The following SEC62 variants were observed in gnomAD, a reference collection of about 807,000 sequenced individuals.
The protein encoded by SEC62 is translocation protein SEC62.
A neutral mutation model predicts 47.5 loss-of-function variants in SEC62; 10 were observed. The observed-to-expected ratio is 0.21, with a 90% CI of 0.13 to 0.36. The LOEUF (loss-of-function observed/expected upper bound fraction) is 0.36, where lower values mean the gene tolerates loss of function less well. SEC62 is among the 10% of genes least tolerant of loss of function. The probability of loss-of-function intolerance (pLI) is 1.00; values close to 1 mark genes in which losing one functional copy is unlikely to be tolerated. For synonymous variants in SEC62, 136 were observed against 150.5 expected (o/e 0.90, Z 0.71); for missense variants, 327 against 464.1 (o/e 0.70, Z 2.71).
rs1322802079 is a variant in SEC62, at chr3:169,997,754, C to T, written c.*4691C>T. 1 of 152,232 alleles carries T rather than the reference C, an allele frequency of 6.6e-6. No homozygotes were observed. The highest frequency in any genetic ancestry group is 1.5e-5 in the Non-Finnish European group (1 of 68,098). 9.4% of individuals were successfully genotyped at this position (152,232 alleles called of 1,614,324 possible). ...AAGTGCTGGGATTACAGGCATGAGC[C>T]ACCATGCCTGGCCAGAATAATGTTT... is the stretch of plus-strand genomic sequence containing the variant. On this transcript the variant is annotated 3_prime_UTR_variant, in exon 8 of 8. Transcript: ENST00000337002.
At chr3:169,985,213 T>C (rs1346365503) in intron 5 of SEC62, 1 of 152,190 alleles carries the variant, frequency 6.6e-6, no homozygotes, top group African/African-American at 2.4e-5. Flanking sequence ...GGTGTTTTGG[T>C]TGAATAAATA....
chr3:169,982,511 A>G lies in SEC62; in HGVS notation c.252-196A>G, dbSNP rs1001278228. On this transcript the variant is annotated intron_variant, in intron 3 of 7. Coordinates refer to ENST00000337002, the MANE Select transcript of SEC62 (RefSeq NM_003262.4). ...TATTGAATATCACTGAGTTTTGACAACTTTTATATAATTGACTGTAAAGTG... is the reference window on the plus strand; with the variant it reads ...TATTGAATATCACTGAGTTTTGACAGCTTTTATATAATTGACTGTAAAGTG... The G allele has an allele frequency of 1.1e-5, 6 of 566,434 alleles. No individual in the cohort carries two copies. The African/African-American group carries it at 1.1e-4, about 11-fold the overall frequency. 35.1% of individuals were successfully genotyped at this position (566,434 alleles called of 1,614,324 possible).
chr3:169,970,317 C>T (rs568369094), intron 1 of SEC62, among the ~76,000 whole-genome samples: 8 of 152,298 alleles, frequency 5.3e-5, no homozygotes, highest in African/African-American at 1.9e-4. Flanking sequence ...TTGCATTTTT[C>T]ACAAATATTT....
At position 169,969,076 on chromosome 3, in the gene SEC62, A is replaced by C. The variant is rs953138105; in HGVS notation, c.36+2218A>C. Among the ~76,000 whole-genome samples the C allele has an allele frequency of 2.0e-5, 3 of 152,360 alleles. No homozygotes were observed. The East Asian group carries it at 5.8e-4, about 29-fold the overall frequency. On this transcript the variant is annotated intron_variant, in intron 1 of 7. Coordinates refer to ENST00000337002, the MANE Select transcript of SEC62 (RefSeq NM_003262.4). ...AAGTTCAGAGTTTAACTTACAAAAA[A>C]GATCCTGTTGTAGAATTTTTAGGCA...
chr3:169,978,241 T>C (rs999656043), intron 3 of SEC62, among the ~76,000 whole-genome samples: 1 of 152,136 alleles, frequency 6.6e-6, no homozygotes, highest in Non-Finnish European at 1.5e-5. Flanking sequence ...GTTGCGCCAC[T>C]GCACTCCAGC....
intron 1 of SEC62, among the ~76,000 whole-genome samples, chr3:169,969,736 C>T (rs1318747639): frequency 6.6e-6 from 1 of 152,166 alleles, no homozygotes; most frequent in African/African-American, 2.4e-5. Context: ...AAATAAGTTG[C>T]TTTGAAATAC....
chr3:169,972,471 G>A (rs1379525553), intron 1 of SEC62, among the ~76,000 whole-genome samples: 2 of 152,026 alleles, frequency 1.3e-5, no homozygotes, highest in Non-Finnish European at 2.9e-5. Flanking sequence ...CTGGAGTGCA[G>A]TGGCATGATC....
At chr3:169,986,401 G>C (rs1044938066) in intron 6 of SEC62, among the ~76,000 whole-genome samples, 2 of 152,040 alleles carry the variant, frequency 1.3e-5, no homozygotes, top group Non-Finnish European at 2.9e-5. Flanking sequence ...GACTATACTT[G>C]AGTATAATCT....
chr3:169,982,517 A>G (rs536290605), intron 3 of SEC62, 190 bp from the exon 4 acceptor site: 70 of 595,654 alleles, frequency 1.2e-4, no homozygotes, highest in South Asian at 1.0e-3. Context: ...GACAACTTTT[A>G]TATAATTGAC....
At chr3:169,977,103 A>T (rs1714854780) in intron 3 of SEC62, 52 bp downstream of exon 3, 1 of 1,298,862 alleles carries the variant, frequency 7.7e-7, no homozygotes, top group Non-Finnish European at 1.1e-6. Context: ...AATTTTCTTC[A>T]TAGTCCTGAA....
Position 169,985,802 on chromosome 3 carries a change from T to C in SEC62, c.550-3T>C, listed in dbSNP as rs1715092001. 1.9e-6 allele frequency: 3 copies of C among 1,607,184 alleles called. No individual in the cohort carries two copies. Among genetic ancestry groups the C allele is most frequent in the Admixed American group, 1.7e-5 (1 of 58,874 alleles). ...AAGCACCGAGGTTTCTTGATTCTTC[T>C]AGGTGTATGTATGGATCTATGACCC... On this transcript the variant is annotated splice_polypyrimidine_tract_variant and splice_region_variant and intron_variant, in intron 5 of 7. Transcript: ENST00000337002.
In SEC62 at chr3:169,982,885, G is replaced by T. The variant is rs1437324205; in HGVS notation, c.430G>T (p.Asp144Tyr). The T allele has an allele frequency of 6.4e-7, 1 of 1,562,758 alleles. No individual in the cohort carries two copies. The highest frequency in any genetic ancestry group is 8.6e-7 in the Non-Finnish European group (1 of 1,164,990). ...KTKKEKEKKK[D>Y]GEKEESKKEE... is the part of the protein sequence containing the mutation. ...AAAAAAAGAAAAAGAGAAAAAAAAA[G>T]ATGGTGAAAAGGAAGAATCCAAAAA... The change falls in exon 4 of 8, where the codon GAT becomes TAT. Residue 144 changes from aspartate (D) to tyrosine (Y), a missense_variant. By Grantham distance (160) the Asp-to-Tyr change is radical. Transcript: ENST00000337002.
At chr3:169,988,162 G>A in intron 6 of SEC62, 78 bp from the exon 7 acceptor site, 3 of 1,505,242 alleles carry the variant, frequency 2.0e-6, no homozygotes, top group East Asian at 2.3e-5. Context: ...TTTTCCCCCA[G>A]GGATATGTTT....
chr3:169,974,683 T>C (rs1714784971), intron 1 of SEC62, among the ~76,000 whole-genome samples: 1 of 152,170 alleles, frequency 6.6e-6, no homozygotes, highest in Non-Finnish European at 1.5e-5. Flanking sequence ...GCCTCACCCT[T>C]ACTGGAGAAG....
chr3:169,967,237 C>T (rs1279703923), intron 1 of SEC62, among the ~76,000 whole-genome samples: 1 of 152,200 alleles, frequency 6.6e-6, no homozygotes, highest in Non-Finnish European at 1.5e-5. Context: ...CCCCTCCCTT[C>T]ACCCCATCCT....
At chr3:169,976,380 A>C (rs1239876604) in intron 2 of SEC62, among the ~76,000 whole-genome samples, 1 of 152,120 alleles carries the variant, frequency 6.6e-6, no homozygotes, top group Non-Finnish European at 1.5e-5. Context: ...AGAAGAAAAA[A>C]AAAACTAAAT....
chr3:169,987,142 T>C (rs1715128303), intron 6 of SEC62, among the ~76,000 whole-genome samples: 1 of 152,084 alleles, frequency 6.6e-6, no homozygotes, highest in African/African-American at 2.4e-5. Context: ...AATAACTCTT[T>C]AAGGCTGGGC....
chr3:169,973,318 A>G (rs1175675181), intron 1 of SEC62, among the ~76,000 whole-genome samples: 1 of 152,180 alleles, frequency 6.6e-6, no homozygotes, highest in Non-Finnish European at 1.5e-5. Flanking sequence ...TGAATCTTGT[A>G]GTTGTTCCTG....
At position 169,992,869 on chromosome 3, in the gene SEC62, G is replaced by C. The variant is rs377711845; in HGVS notation, c.1006G>C (p.Gly336Arg). 3.7e-6 allele frequency: 6 copies of C among 1,613,950 alleles called. No individual in the cohort carries two copies. Among genetic ancestry groups the C allele is most frequent in the Middle Eastern group, 1.6e-4 (1 of 6,084 alleles). The change falls in exon 8 of 8, where the codon GGG (glycine) becomes CGG (arginine). Residue 336 changes from glycine to arginine, a missense_variant. Transcript: ENST00000337002. The surrounding 1 kb of genome is among the most constrained non-coding windows in gnomAD (Gnocchi z 4.0). ...GPGNHGTEGSGGERHSDTDSD... is the reference protein window; with the variant it reads ...GPGNHGTEGSRGERHSDTDSD... ...AGGAAATCATGGAACAGAAGGCTCGGGGGGAGAACGGCATTCAGACACGGA... is the reference window on the plus strand; with the variant it reads ...AGGAAATCATGGAACAGAAGGCTCGCGGGGAGAACGGCATTCAGACACGGA...
Sources: gnomAD v4.1 joint callset for allele counts (sites outside exome capture counted in the v4.1 genomes callset) on GRCh38, gnomAD v4.1.1 for gene constraint, Gnocchi (gnomAD v3.1) non-coding constraint, MANE v1.5 for transcripts, NCBI Gene and HGNC (gene_info 2026-07-23, HGNC 2026-07-21) for gene names.